Variants in TMC2 observed in about 807,000 individuals in gnomAD.
The protein encoded by TMC2 is transmembrane channel-like protein 2.
Under a neutral mutation model 105.9 loss-of-function variants are expected in TMC2, and 102 were observed. The observed-to-expected ratio is 0.96, with a 90% confidence interval of 0.82 to 1.14. The LOEUF is 1.14. Ranked by LOEUF, TMC2 falls within the 50% of genes most tolerant of loss-of-function variation. The pLI is 0.00. For missense variants in TMC2, 1,093 were observed against 1,134.3 expected (o/e 0.96, Z 0.52); for synonymous variants, 402 against 422.8 (o/e 0.95, Z 0.60).
At chr20:2,570,513 A>C (rs1003834631) in intron 4 of TMC2, among the ~76,000 whole-genome samples, 9 of 152,118 alleles carry the variant, frequency 5.9e-5, no homozygotes, top group African/African-American at 1.7e-4. Context: ...CATAGGTAAT[A>C]CCAAAAAAAA....
intron 4 of TMC2, among the ~76,000 whole-genome samples, chr20:2,564,157 T>TC (rs1250931369): frequency 6.8e-6 from 1 of 146,040 alleles, no homozygotes; most frequent in East Asian, 2.0e-4. Context: ...CCTCTTTTTT[T>TC]TTTTTTTTTT....
chr20:2,617,373 C>T lies in TMC2; in HGVS notation c.2180+62C>T, dbSNP rs6083866. 0.65 allele frequency: 1,033,277 copies of T among 1,596,036 alleles called. 338,794 individuals are homozygous for T. Among genetic ancestry groups the T allele is most frequent in the Admixed American group, 0.68 (39,974 of 58,740 alleles). On this transcript the variant is annotated intron_variant, in intron 16 of 19. Coordinates refer to ENST00000358864, the MANE Select transcript of TMC2 (RefSeq NM_080751.3). The stretch of plus-strand genomic sequence containing the variant: ...CCGAGGCAGTCTGCTCAGAGGGCCT[C>T]GGCCCAGAATTCCAGTTCTGGTTTC...
At chr20:2,613,801 C>A in intron 14 of TMC2, 1 of 236,996 alleles carries the variant, frequency 4.2e-6, no homozygotes, top group Non-Finnish European at 8.4e-6. Context: ...TCCCCACCTA[C>A]CTGGTAAATG....
intron 17 of TMC2, among the ~76,000 whole-genome samples, chr20:2,631,135 A>ATATTT (rs11472925): frequency 6.6e-6 from 1 of 151,714 alleles, no homozygotes; most frequent in Non-Finnish European, 1.5e-5. Flanking sequence ...ATTATAATTA[A>ATATTT]TATAACAAAC....
intron 2 of TMC2, among the ~76,000 whole-genome samples, chr20:2,554,398 A>G (rs984399229): frequency 6.6e-6 from 1 of 152,200 alleles, no homozygotes; most frequent in Non-Finnish European, 1.5e-5. Context: ...GAACCTCTCT[A>G]TGATTTCATG....
chr20:2,638,927 ACTCT>A (rs1380571014), intron 19 of TMC2, among the ~76,000 whole-genome samples: 1 of 152,064 alleles, frequency 6.6e-6, no homozygotes, highest in Non-Finnish European at 1.5e-5. Flanking sequence ...ACAGAGTCTC[ACTCT>A]GTCACCCAGG....
rs923832227 is a variant in TMC2 at position 2,642,294 on chromosome 20, G to A, written c.*943G>A. Among the ~76,000 whole-genome samples the A allele has an allele frequency of 3.3e-5, 5 of 152,152 alleles. No homozygotes were observed. Among genetic ancestry groups the A allele is most frequent in the African/African-American group, 1.2e-4 (5 of 41,434 alleles). ...GACCAGTCATGGAGAGTGGGGATTG[G>A]TGGGAAGACTGGTGATACCCCAGTA... On this transcript the variant is annotated 3_prime_UTR_variant, in exon 20 of 20. Transcript: ENST00000358864.
intron 17 of TMC2, among the ~76,000 whole-genome samples, chr20:2,626,730 C>G (rs2146260492): frequency 1.3e-5 from 2 of 152,368 alleles, no homozygotes; most frequent in South Asian, 4.1e-4. Flanking sequence ...GTGATCCTTA[C>G]TATTGAGCAC....
In TMC2 at chr20:2,643,072, G is replaced by A. The variant is rs141315536; in HGVS notation, c.*1721G>A. Among the ~76,000 whole-genome samples the A allele has an allele frequency of 3.2e-3, 494 of 152,210 alleles. 1 individual carries two copies. Among genetic ancestry groups the A allele is most frequent in the Non-Finnish European group, 5.2e-3 (354 of 68,008 alleles). On this transcript the variant is annotated 3_prime_UTR_variant, in exon 20 of 20. Transcript: ENST00000358864. The stretch of plus-strand genomic sequence containing the variant: ...TCACATATATATACAAACTGCAATG[G>A]AATAATAGGGACATGTGACCAGGAG...
At chr20:2,605,400 C>A (rs2086382674) in intron 11 of TMC2, among the ~76,000 whole-genome samples, 1 of 152,194 alleles carries the variant, frequency 6.6e-6, no homozygotes, top group South Asian at 2.1e-4. Flanking sequence ...GGCAGGTTTG[C>A]TTTCCCCTGA....
intron 10 of TMC2, among the ~76,000 whole-genome samples, chr20:2,599,959 C>T (rs995056180): frequency 2.0e-5 from 3 of 152,218 alleles, no homozygotes; most frequent in African/African-American, 7.2e-5. Context: ...CAGCAACTCA[C>T]AGCATGGGTT....
intron 3 of TMC2, among the ~76,000 whole-genome samples, chr20:2,559,796 A>G (rs185656272): frequency 6.6e-6 from 1 of 152,278 alleles, no homozygotes; most frequent in Non-Finnish European, 1.5e-5. Flanking sequence ...CTAAAGAGGT[A>G]AAGGGTGCAT....
chr20:2,606,662 G>T (rs2086394195), intron 11 of TMC2, among the ~76,000 whole-genome samples: 1 of 151,662 alleles, frequency 6.6e-6, no homozygotes, highest in Admixed American at 6.6e-5. Flanking sequence ...TCCCTTTTTT[G>T]GGTTTTCTTC....
chr20:2,605,659 C>T (rs370068811), intron 11 of TMC2, among the ~76,000 whole-genome samples: 6 of 152,262 alleles, frequency 3.9e-5, no homozygotes, highest in Admixed American at 1.3e-4. Context: ...GGAGGAGACA[C>T]GATTCAATCC....
chr20:2,556,523 C>A (rs2085986246), intron 2 of TMC2, among the ~76,000 whole-genome samples: 2 of 152,152 alleles, frequency 1.3e-5, no homozygotes, highest in South Asian at 4.1e-4. Context: ...ATAATCCCAG[C>A]ACTTTGGTAG....
intron 10 of TMC2, among the ~76,000 whole-genome samples, chr20:2,599,539 A>T (rs1389384677): frequency 2.1e-3 from 179 of 85,484 alleles, no homozygotes; most frequent in African/African-American, 4.6e-3. Flanking sequence ...CTTTAATTAC[A>T]TTTTTTTTTT....
intron 9 of TMC2, 135 bp from the exon 10 acceptor site, chr20:2,597,016 C>G (rs1469124944): frequency 4.3e-6 from 4 of 936,718 alleles, no homozygotes; most frequent in Non-Finnish European, 6.3e-6. Context: ...AAGTCCCTGC[C>G]TGGCTTGTTT....
At chr20:2,572,101 T>G in intron 4 of TMC2, 78 bp from the exon 5 acceptor site, 1 of 1,055,574 alleles carries the variant, frequency 9.5e-7, no homozygotes, top group Non-Finnish European at 1.5e-6. Flanking sequence ...TTCACACATG[T>G]GTTTGAGGCT....
intron 2 of TMC2, among the ~76,000 whole-genome samples, chr20:2,548,777 T>C (rs1281564881): frequency 2.0e-5 from 3 of 152,182 alleles, no homozygotes; most frequent in African/African-American, 7.2e-5. Flanking sequence ...CAAAATATAA[T>C]TACTGTTCAC....
Sources: gnomAD v4.1 joint callset for allele counts (sites outside exome capture counted in the v4.1 genomes callset) on GRCh38, gnomAD v4.1.1 for gene constraint, MANE v1.5 for transcripts, NCBI Gene and HGNC (gene_info 2026-07-23, HGNC 2026-07-21) for gene names.